The following SLC28A3 variants were observed in gnomAD, a reference collection of about 807,000 sequenced individuals.
SLC28A3 encodes concentrative Na(+)-nucleoside cotransporter 3.
A neutral mutation model predicts 84.2 loss-of-function variants in SLC28A3; 68 were observed. That is an observed-to-expected ratio of 0.81 (90% confidence interval 0.66 to 0.99). The LOEUF (loss-of-function observed/expected upper bound fraction) is 0.99. Ranked by LOEUF, SLC28A3 falls within the 50% of genes least tolerant of loss-of-function variation. The pLI, the probability that SLC28A3 is intolerant of heterozygous loss-of-function variation, is 0.00. For missense variants in SLC28A3, 712 were observed against 841.5 expected, an observed-to-expected ratio of 0.85 and a Z score of 1.90; for synonymous variants, 267 against 303.6, an observed-to-expected ratio of 0.88 and a Z score of 1.25.
intron 2 of SLC28A3, 105 bp downstream of exon 2, chr9:84,313,254 C>T (rs1268335929): frequency 1.1e-6 from 1 of 888,018 alleles, no homozygotes; most frequent in Admixed American, 2.3e-5. Flanking sequence ...ATCTGTTCCT[C>T]TGCGTGCCAG....
intron 1 of SLC28A3, among the ~76,000 whole-genome samples, chr9:84,331,705 T>C (rs571946767): frequency 1.3e-5 from 2 of 152,328 alleles, no homozygotes; most frequent in East Asian, 3.9e-4. Flanking sequence ...GATTGATTGC[T>C]TATTCACAGG....
intron 5 of SLC28A3, among the ~76,000 whole-genome samples, chr9:84,301,349 C>CAAAAA (rs59917986): frequency 0.027 from 1,034 of 38,950 alleles, no homozygotes; most frequent in Non-Finnish European, 0.052. Flanking sequence ...GACTCTGTCT[C>CAAAAA]AAAAAAAAAA....
At chr9:84,297,878 G>A (rs1360766521) in intron 7 of SLC28A3, 28 bp downstream of exon 7, 1 of 1,564,362 alleles carries the variant, frequency 6.4e-7, no homozygotes, top group Non-Finnish European at 8.7e-7. Flanking sequence ...CACCATAAAA[G>A]CAAAGTGTTC....
At chr9:84,351,659 CA>C in the SLC28A3 span, among the ~76,000 whole-genome samples, 15 of 125,942 alleles carry the variant, frequency 1.2e-4, no homozygotes, top group African/African-American at 2.1e-4. Flanking sequence ...GACTCCATCT[CA>C]AAAAAAAAAT....
chr9:84,329,894 G>A lies in SLC28A3; in HGVS notation c.60+10680C>T, dbSNP rs574217373. ...AAATAAATAAATAAATAACAAAAAT[G>A]AAAATATACGAAAATTTATGAATAT... On this transcript the variant is annotated intron_variant, in intron 1 of 17. Transcript: ENST00000376238. Among the ~76,000 whole-genome samples the A allele has an allele frequency of 4.0e-5, 6 of 151,650 alleles. No individual in the cohort carries two copies. In the East Asian group the frequency reaches 1.2e-3, roughly 29 times the overall value.
chr9:84,366,658 G>C, the SLC28A3 span, among the ~76,000 whole-genome samples: 1 of 152,190 alleles, frequency 6.6e-6, no homozygotes, highest in Non-Finnish European at 1.5e-5. Context: ...TTCCTTGATG[G>C]TCTTGGACAA....
At chr9:84,300,376 G>T (rs941038423) in intron 5 of SLC28A3, among the ~76,000 whole-genome samples, 1 of 152,184 alleles carries the variant, frequency 6.6e-6, no homozygotes, top group Non-Finnish European at 1.5e-5. Flanking sequence ...GGGGATGGGT[G>T]AGGTGTTACC....
At chr9:84,329,075 T>A in intron 1 of SLC28A3, among the ~76,000 whole-genome samples, 1 of 152,196 alleles carries the variant, frequency 6.6e-6, no homozygotes, top group East Asian at 1.9e-4. Context: ...CAAAGAGAGC[T>A]TGAGTGGCAA....
Position 84,294,284 on chromosome 9 carries a change from A to G in SLC28A3, c.862-9T>C, listed in dbSNP as rs1176624435. 2 of 1,613,794 alleles carry G rather than the reference A, an allele frequency of 1.2e-6. No individual in the cohort carries two copies. The highest frequency in any genetic ancestry group is 3.3e-5 in the Admixed American group (2 of 59,982). ...ACCACGATCGGCAGGACCTGTGGGGACAGAAACAAACATGGATTAATGATG... is the reference window on the plus strand; with the variant it reads ...ACCACGATCGGCAGGACCTGTGGGGGCAGAAACAAACATGGATTAATGATG... On this transcript the variant is annotated splice_polypyrimidine_tract_variant and intron_variant, in intron 8 of 17. Transcript: ENST00000376238.
chr9:84,289,701 T>A (rs1825136327), intron 11 of SLC28A3, among the ~76,000 whole-genome samples: 1 of 152,224 alleles, frequency 6.6e-6, no homozygotes, highest in Non-Finnish European at 1.5e-5. Context: ...TCTTTGTGGA[T>A]CACAACGACT....
intron 12 of SLC28A3, among the ~76,000 whole-genome samples, chr9:84,286,457 T>TC (rs1824992511): frequency 2.7e-5 from 4 of 149,148 alleles, no homozygotes; most frequent in African/African-American, 7.4e-5. Flanking sequence ...TTTTTTTTTT[T>TC]TTTTTTTTTT....
chr9:84,292,717 G>T lies in SLC28A3; in HGVS notation c.974C>A (p.Ser325Ter), dbSNP rs1287861467. 2.5e-6 allele frequency: 4 copies of T among 1,605,224 alleles called. No homozygotes were observed. Among genetic ancestry groups the T allele is most frequent in the Non-Finnish European group, 3.4e-6 (4 of 1,176,998 alleles). ...AGCAACTACAGATTCAATAGGAGAT[G>T]ATCCCGTAGTAACTAGCATGATCCA... Reference protein sequence around the residue: ...VGWIMLVTTGSSPIESVVASG... With the variant: ...VGWIMLVTTG Residue 325 changes from serine (S) to a stop codon, truncating the protein, a stop_gained, in exon 10 of 18, where the codon TCA (serine) becomes TAA (stop). Coordinates refer to ENST00000376238, the MANE Select transcript of SLC28A3 (RefSeq NM_001199633.2). LOFTEE classifies it high-confidence loss of function.
chr9:84,316,559 T>C (rs1377152608), intron 1 of SLC28A3, among the ~76,000 whole-genome samples: 2 of 152,172 alleles, frequency 1.3e-5, no homozygotes, highest in African/African-American at 4.8e-5. Context: ...GGAACTTGGG[T>C]CCCTGGAAGC....
chr9:84,279,701 C>T (rs771374603), intron 16 of SLC28A3, among the ~76,000 whole-genome samples: 1 of 152,242 alleles, frequency 6.6e-6, no homozygotes, highest in Non-Finnish European at 1.5e-5. Flanking sequence ...GTGACCCGCC[C>T]GCCTTGGCCT....
chr9:84,340,449 G>C, intron 1 of SLC28A3, 125 bp downstream of exon 1: 1 of 998,194 alleles, frequency 1.0e-6, no homozygotes, highest in Non-Finnish European at 1.6e-6. Context: ...TGGGCTTAAA[G>C]TGTGCCGTTA....
chr9:84,348,906 T>C, the SLC28A3 span, among the ~76,000 whole-genome samples: 1 of 147,850 alleles, frequency 6.8e-6, no homozygotes, highest in Non-Finnish European at 1.5e-5. Context: ...CTAAATAAAC[T>C]TGTATTTTTT....
intron 10 of SLC28A3, among the ~76,000 whole-genome samples, chr9:84,292,095 C>T (rs1825247511): frequency 1.3e-5 from 2 of 152,168 alleles, no homozygotes; most frequent in South Asian, 2.1e-4. Context: ...GAATATTGGC[C>T]AGTTCAGACA....
intron 1 of SLC28A3, among the ~76,000 whole-genome samples, chr9:84,316,778 G>A (rs10114852): frequency 0.11 from 16,305 of 152,162 alleles, 2,848 homozygotes; most frequent in African/African-American, 0.37. Context: ...CAAGGCGGGC[G>A]GATGATGAGG....
At chr9:84,317,126 T>G (rs1826195170) in intron 1 of SLC28A3, among the ~76,000 whole-genome samples, 1 of 152,206 alleles carries the variant, frequency 6.6e-6, no homozygotes, top group Admixed American at 6.5e-5. Context: ...TTGGGTTGTG[T>G]AGCCAGAAAT....
Sources: allele counts gnomAD v4.1 joint callset (sites outside exome capture counted in the v4.1 genomes callset), GRCh38; gene constraint gnomAD v4.1.1; transcripts MANE v1.5; gene names NCBI Gene and HGNC (gene_info 2026-07-23, HGNC 2026-07-21).